The following BBOF1 variants were observed in gnomAD, a reference collection of about 807,000 sequenced individuals.
BBOF1 encodes basal body-orientation factor 1.
In BBOF1, 62 loss-of-function variants were observed where a neutral mutation model predicts 68.0. The observed-to-expected ratio is 0.91, with a 90% CI of 0.74 to 1.13. The LOEUF is 1.13. Among genes scored for constraint, BBOF1 ranks in the 50% most tolerant of loss-of-function variants. The pLI is 0.00. For missense variants in BBOF1, 534 were observed against 600.1 expected (o/e 0.89, Z 1.15); for synonymous variants, 208 against 198.8 (o/e 1.05, Z -0.39).
chr14:74,033,709 T>C (rs1298544697), intron 3 of BBOF1, among the ~76,000 whole-genome samples: 1 of 151,996 alleles, frequency 6.6e-6, no homozygotes, highest in Non-Finnish European at 1.5e-5. Flanking sequence ...ACACCGTCTC[T>C]ACTAAAAATA....
intron 3 of BBOF1, among the ~76,000 whole-genome samples, chr14:74,033,108 T>C (rs1000658308): frequency 6.6e-6 from 1 of 152,136 alleles, no homozygotes; most frequent in African/African-American, 2.4e-5. Context: ...TTTTAACTAG[T>C]TTCGGGTATT....
intron 11 of BBOF1, 94 bp downstream of exon 11, chr14:74,057,352 G>T (rs1326206822): frequency 1.3e-6 from 2 of 1,583,706 alleles, no homozygotes; most frequent in African/African-American, 1.3e-5. Flanking sequence ...TCTACTAGTT[G>T]AGAGACTTCA....
intron 9 of BBOF1, among the ~76,000 whole-genome samples, chr14:74,074,783 G>A (rs1163376647): frequency 6.6e-6 from 1 of 152,136 alleles, no homozygotes. Context: ...CCATGAAAAT[G>A]TTTGTATCTT....
chr14:74,040,578 T>C lies in BBOF1; in HGVS notation c.509T>C (p.Leu170Ser). 1 of 1,577,290 alleles carries C rather than the reference T, an allele frequency of 6.3e-7. No homozygotes were observed. The highest frequency in any genetic ancestry group is 8.6e-7 in the Non-Finnish European group (1 of 1,166,436). ...ERELDDLKEN[L>S]RNTERIHQET... is the part of the protein sequence containing the mutation. ...TTTTAATTTTAGCTGAAAGAGAATTTAAGAAACACAGAGCGGATACATCAG... is the reference window on the plus strand; with the variant it reads ...TTTTAATTTTAGCTGAAAGAGAATTCAAGAAACACAGAGCGGATACATCAG... Residue 170 changes from leucine to serine, a missense_variant, in exon 5 of 12, where the codon TTA becomes TCA. Physicochemically the swap from Leu to Ser is moderately radical, Grantham distance 145 (BLOSUM62 -2). Transcript: ENST00000394009.
At chr14:74,071,311 G>A (rs773010007) in intron 9 of BBOF1, 1 of 1,614,170 alleles carries the variant, frequency 6.2e-7, no homozygotes, top group Admixed American at 1.7e-5. Context: ...CATTAGGAAG[G>A]TATTTCCACA....
chr14:74,072,085 C>T, intron 9 of BBOF1: 1 of 1,571,128 alleles, frequency 6.4e-7, no homozygotes, highest in African/African-American at 1.3e-5. Flanking sequence ...GGGAGAGAGT[C>T]ATGATCAACG....
At chr14:74,056,555 C>CA (rs2060211912) in intron 9 of BBOF1, among the ~76,000 whole-genome samples, 1 of 152,086 alleles carries the variant, frequency 6.6e-6, no homozygotes, top group Non-Finnish European at 1.5e-5. Context: ...AGGCTGGTCA[C>CA]AAACTCCTGA....
Position 74,050,115 on chromosome 14 carries a change from A to G in BBOF1, c.1206A>G (p.Glu402=), listed in dbSNP as rs1159285152. 1 of 1,611,190 alleles carries G rather than the reference A, an allele frequency of 6.2e-7. No individual in the cohort carries two copies. Among genetic ancestry groups the G allele is most frequent in the South Asian group, 1.1e-5 (1 of 90,728 alleles). The part of the protein sequence containing the change: ...KMRAACTGRT[E]YPKIRTFDGR... ...GAGCAGCATGTACAGGAAGAACAGA[A>G]TATCCCAAAATCAGAACATTTGATG... Residue 402 remains glutamate, a synonymous_variant, in exon 8 of 12, where the codon GAA becomes GAG. Coordinates refer to ENST00000394009, the MANE Select transcript of BBOF1 (RefSeq NM_025057.3).
At chr14:74,078,087 CTT>C (rs1394729086) in intron 9 of BBOF1, 1 of 419,192 alleles carries the variant, frequency 2.4e-6, no homozygotes, top group Non-Finnish European at 4.7e-6. Flanking sequence ...ATAATAAACA[CTT>C]ATTGTTTATT....
intron 10 of BBOF1, among the ~76,000 whole-genome samples, chr14:74,080,196 C>A (rs1392151903): frequency 6.6e-6 from 1 of 152,106 alleles, no homozygotes; most frequent in Non-Finnish European, 1.5e-5. Context: ...TCCTCCCTCT[C>A]TCTCTGCAGG....
chr14:74,044,697 G>A (rs1181155713), intron 5 of BBOF1, among the ~76,000 whole-genome samples: 2 of 152,050 alleles, frequency 1.3e-5, no homozygotes, highest in African/African-American at 4.8e-5. Context: ...AGGCTGAGGC[G>A]GGTGGATCAC....
intron 9 of BBOF1, chr14:74,072,014 G>C: frequency 1.2e-6 from 2 of 1,600,348 alleles, no homozygotes; most frequent in African/African-American, 1.3e-5. Context: ...ATGCAAGAAT[G>C]TTCCTCTTTT....
chr14:74,019,509 G>A lies in BBOF1; in HGVS notation c.31G>A (p.Gly11Ser), dbSNP rs771689296. The change falls in exon 1 of 12, where the codon GGC (glycine) becomes AGC (serine). Residue 11 changes from glycine to serine, a missense_variant. Gly to Ser is a moderately conservative substitution (Grantham distance 56). Transcript: ENST00000394009. MPSKGKDKKKGKSKGKDTKKL... is the reference protein window; with the variant it reads MPSKGKDKKKSKSKGKDTKKL... ...GTCGAAGGGAAAGGACAAAAAGAAA[G>A]GCAAGAGCAAAGGCAAAGACACGAA... 2.5e-6 allele frequency: 4 copies of A among 1,605,208 alleles called. No individual in the cohort carries two copies. The highest frequency in any genetic ancestry group is 2.3e-5 in the East Asian group (1 of 44,386).
In BBOF1 at chr14:74,034,123, A is replaced by G. The variant is rs770328943; in HGVS notation, c.447A>G (p.Val149=). The change falls in exon 4 of 12, where the codon GTA becomes GTG. Residue 149 remains valine (V), a synonymous_variant. Transcript: ENST00000394009. ...IGMIHTELKA[V]RQFQKRKIQV... ...TGATTCACACAGAGCTGAAAGCAGT[A>G]AGACAATTCCAGAAGAGAAAAATCC... 9 of 1,598,466 alleles carry G rather than the reference A, an allele frequency of 5.6e-6. No individual in the cohort carries two copies. The highest frequency in any genetic ancestry group is 3.4e-5 in the South Asian group (3 of 88,060).
chr14:74,048,000 C>T lies in BBOF1; in HGVS notation c.718C>T (p.Leu240=). ...TCTTCAGAAAGCTCTGGCATATCAC[C>T]TGAAGGAAACTGACGCTCTACAAAA... is the stretch of plus-strand genomic sequence containing the variant. ...DYLQKALAYH[L]KETDALQKNS... Residue 240 remains leucine (L), a synonymous_variant, in exon 7 of 12, where the codon CTG becomes TTG. Transcript: ENST00000394009. The T allele has an allele frequency of 6.2e-7, 1 of 1,613,172 alleles. No homozygotes were observed. The highest frequency in any genetic ancestry group is 8.5e-7 in the Non-Finnish European group (1 of 1,179,574).
At chr14:74,049,522 C>T (rs951072333) in intron 7 of BBOF1, among the ~76,000 whole-genome samples, 180 bp from the exon 8 acceptor site, 5 of 151,940 alleles carry the variant, frequency 3.3e-5, no homozygotes, top group East Asian at 3.9e-4. Context: ...ATTAGCTGGG[C>T]GTGGTGATGG....
At chr14:74,068,824 G>C, downstream of BBOF1, 1 of 1,611,570 alleles carries the variant, frequency 6.2e-7, no homozygotes, top group Non-Finnish European at 8.5e-7. Context: ...TTCATATATA[G>C]AACAAAGATT....
intron 4 of BBOF1, among the ~76,000 whole-genome samples, chr14:74,038,137 G>A (rs2059751256): frequency 6.6e-6 from 1 of 152,040 alleles, no homozygotes; most frequent in African/African-American, 2.4e-5. Context: ...CTTGAGGTGT[G>A]AACAGTGTTG....
chr14:74,070,129 C>T (rs1441868442), downstream of BBOF1, among the ~76,000 whole-genome samples: 13 of 152,170 alleles, frequency 8.5e-5, no homozygotes, highest in Admixed American at 5.2e-4. Context: ...GTATGTGCCA[C>T]TGCACCCAGC....
Sources: gnomAD v4.1 joint callset for allele counts (sites outside exome capture counted in the v4.1 genomes callset) on GRCh38, gnomAD v4.1.1 for gene constraint, MANE v1.5 for transcripts, NCBI Gene and HGNC (gene_info 2026-07-23, HGNC 2026-07-21) for gene names.